WHAMM: variants seen among roughly 807,000 people sequenced by gnomAD.
WHAMM encodes WASP homolog associated with actin, golgi membranes and microtubules.
A neutral mutation model predicts 76.5 loss-of-function variants in WHAMM; 67 were observed. The observed-to-expected ratio is 0.88, with a 90% CI of 0.72 to 1.07. The LOEUF (loss-of-function observed/expected upper bound fraction) is 1.07. Ranked by LOEUF, WHAMM falls within the 50% of genes least tolerant of loss-of-function variation. WHAMM has a pLI of 0.00. For missense variants in WHAMM, 1,021 were observed against 1,051.1 expected (o/e 0.97, Z 0.40); for synonymous variants, 419 against 422.1 (o/e 0.99, Z 0.09).
In WHAMM at chr15:82,809,957, C is replaced by A; in HGVS notation, c.231C>A (p.Ser77Arg). The change falls in exon 1 of 10, where the codon AGC becomes AGA. Residue 77 changes from serine to arginine, a missense_variant. Physicochemically the swap from Ser to Arg is moderately radical, Grantham distance 110. Around this residue, in one of 3 missense-constraint regions of WHAMM, gnomAD observed 501 missense variants for 524.9 expected, o/e 0.95. Transcript: ENST00000286760. The part of the protein sequence containing the change: ...PKPEAAVSPS[S>R]WAGLLSAAGL... ...CTGAGGCCGCCGTCTCCCCGTCCAG[C>A]TGGGCCGGCCTGCTCTCGGCCGCGG... The A allele has an allele frequency of 7.3e-7, 1 of 1,362,166 alleles. No homozygotes were observed. The allele number at this position is 1,362,166 out of a possible 1,614,324, so 84.4% of individuals were successfully genotyped here.
chr15:82,816,875 A>C, intron 3 of WHAMM, 33 bp downstream of exon 3: 1 of 1,533,510 alleles, frequency 6.5e-7, no homozygotes. Flanking sequence ...ATGAAGATAC[A>C]TGTAATTGAT....
intron 2 of WHAMM, among the ~76,000 whole-genome samples, chr15:82,816,146 A>C (rs1156437308): frequency 6.6e-6 from 1 of 152,142 alleles, no homozygotes; most frequent in African/African-American, 2.4e-5. Context: ...TCATGACCTA[A>C]TTACCCCCCA....
chr15:82,811,519 G>T (rs1388418208), intron 1 of WHAMM, among the ~76,000 whole-genome samples: 1 of 152,030 alleles, frequency 6.6e-6, no homozygotes, highest in Non-Finnish European at 1.5e-5. Context: ...TTCACTCTGG[G>T]GTACTATAGC....
At chr15:82,829,189 G>A (rs188046167) in intron 8 of WHAMM, among the ~76,000 whole-genome samples, 6 of 152,296 alleles carry the variant, frequency 3.9e-5, no homozygotes, top group African/African-American at 9.6e-5. Flanking sequence ...GGCAGAACTC[G>A]GCCAGGCGCC....
At chr15:82,827,279 G>GT (rs759624574) in intron 8 of WHAMM, among the ~76,000 whole-genome samples, 45 of 150,994 alleles carry the variant, frequency 3.0e-4, no homozygotes, top group African/African-American at 5.8e-4. Context: ...AATTTAGTGG[G>GT]TTTTTTTTTG....
chr15:82,817,888 T>C, intron 3 of WHAMM, 32 bp from the exon 4 acceptor site: 2 of 1,473,342 alleles, frequency 1.4e-6, no homozygotes, highest in Non-Finnish European at 1.8e-6. Flanking sequence ...TTTAATGAGG[T>C]GTAATTATAT....
Position 82,810,355 on chromosome 15 carries a change from C to G in WHAMM, c.609+20C>G, listed in dbSNP as rs753318483. On this transcript the variant is annotated intron_variant, in intron 1 of 9. Coordinates refer to ENST00000286760, the MANE Select transcript of WHAMM (RefSeq NM_001080435.3). ...CGCCAGGTAAGCGAGGCCCGGTCGC[C>G]GGCGTTCGTCCGCGCTTCCATGGCC... 7.7e-7 allele frequency: 1 copy of G among 1,301,320 alleles called. No individual in the cohort carries two copies. Among genetic ancestry groups the G allele is most frequent in the African/African-American group, 1.6e-5 (1 of 64,418 alleles). The allele number at this position is 1,301,320 out of a possible 1,614,324, so 80.6% of individuals were successfully genotyped here. A position where few individuals can be genotyped will look rare whatever the true frequency, so the allele number is the denominator to read the frequency against.
intron 5 of WHAMM, among the ~76,000 whole-genome samples, chr15:82,821,060 C>A (rs1189271784): frequency 1.3e-5 from 2 of 152,074 alleles, no homozygotes; most frequent in African/African-American, 4.8e-5. Context: ...GAATATTGAA[C>A]AAAATTTTGT....
At position 82,809,808 on chromosome 15, in the gene WHAMM, C is replaced by A. The variant is rs1305372770; in HGVS notation, c.82C>A (p.Leu28Met). The change falls in exon 1 of 10, where the codon CTG becomes ATG. Residue 28 changes from leucine (L) to methionine (M), a missense_variant. Around this residue, in one of 3 missense-constraint regions of WHAMM, gnomAD observed 501 missense variants for 524.9 expected, o/e 0.95. Transcript: ENST00000286760. ...GLFAEPERHR[L>M]RFLVAWNGAE... Reference sequence around the variant, plus strand: ...CTTCGCCGAGCCCGAGAGGCACCGGCTGCGCTTCCTGGTGGCCTGGAACGG... The same window carrying A: ...CTTCGCCGAGCCCGAGAGGCACCGGATGCGCTTCCTGGTGGCCTGGAACGG... The A allele has an allele frequency of 1.2e-6, 2 of 1,602,672 alleles. No individual in the cohort carries two copies. The highest frequency in any genetic ancestry group is 1.7e-6 in the Non-Finnish European group (2 of 1,175,386).
intron 1 of WHAMM, 86 bp downstream of exon 1, chr15:82,810,421 G>A: frequency 1.6e-6 from 2 of 1,222,326 alleles, no homozygotes; most frequent in Non-Finnish European, 2.0e-6. Context: ...GAGAGCCCTG[G>A]CTGACGGCTG....
At chr15:82,822,107 C>T (rs1596283105) in intron 5 of WHAMM, among the ~76,000 whole-genome samples, 1 of 152,162 alleles carries the variant, frequency 6.6e-6, no homozygotes. Flanking sequence ...GACAATTTCA[C>T]TGTTTTATGT....
chr15:82,811,983 G>T (rs1482033179), intron 1 of WHAMM, among the ~76,000 whole-genome samples: 3 of 152,114 alleles, frequency 2.0e-5, no homozygotes, highest in Non-Finnish European at 4.4e-5. Flanking sequence ...TATATTATTT[G>T]ATTTTATTTC....
chr15:82,818,744 G>T (rs148594020), intron 4 of WHAMM, among the ~76,000 whole-genome samples: 107 of 152,326 alleles, frequency 7.0e-4, no homozygotes, highest in African/African-American at 2.3e-3. Context: ...ATCACAGATT[G>T]GGTGGCTTAA....
intron 2 of WHAMM, among the ~76,000 whole-genome samples, chr15:82,816,195 G>A (rs1323586869): frequency 6.6e-6 from 1 of 152,104 alleles, no homozygotes; most frequent in African/African-American, 2.4e-5. Context: ...TGGGGATTTA[G>A]GCTTCAACAT....
In WHAMM at chr15:82,826,509, C is replaced by G. The variant is rs369420097; in HGVS notation, c.1545+13C>G. 18 of 1,610,536 alleles carry G rather than the reference C, an allele frequency of 1.1e-5. No homozygotes were observed. The highest frequency in any genetic ancestry group is 5.5e-5 in the South Asian group (5 of 90,984). ...CAGTATTCAGATGGTGAGTCTCCTC[C>G]GAAGGAAAATGTTCTATGTTTGTGT... is the stretch of plus-strand genomic sequence containing the variant. On this transcript the variant is annotated intron_variant, in intron 7 of 9. Coordinates refer to ENST00000286760, the MANE Select transcript of WHAMM (RefSeq NM_001080435.3).
At chr15:82,819,557 A>G (rs2050785082) in intron 5 of WHAMM, 69 bp downstream of exon 5, 20 of 838,374 alleles carry the variant, frequency 2.4e-5, no homozygotes, top group Non-Finnish European at 3.2e-5. Flanking sequence ...CATATTATCA[A>G]TTACTTTTTG....
chr15:82,812,997 G>C (rs1276348796), intron 1 of WHAMM, 106 bp from the exon 2 acceptor site: 1 of 786,858 alleles, frequency 1.3e-6, no homozygotes, highest in Admixed American at 3.8e-5. Flanking sequence ...TAAAATTGAT[G>C]TATTAAAAGT....
Position 82,813,127 on chromosome 15 carries a change from A to G in WHAMM, c.634A>G (p.Asn212Asp). 4.4e-6 allele frequency: 7 copies of G among 1,605,844 alleles called. No homozygotes were observed. Among genetic ancestry groups the G allele is most frequent in the Non-Finnish European group, 5.9e-6 (7 of 1,177,820 alleles). Reference sequence around the variant, plus strand: ...GGTTATTCAAGGACACGGAAAAGCCAACACCATGGTAGCATTAATGAACGT... The same window carrying G: ...GGTTATTCAAGGACACGGAAAAGCCGACACCATGGTAGCATTAATGAACGT... ...RQVIQGHGKA[N>D]TMVALMNVYQ... is the part of the protein sequence containing the mutation. Residue 212 changes from asparagine (N) to aspartate (D), a missense_variant, in exon 2 of 10, where the codon AAC (asparagine) becomes GAC (aspartate). Around this residue, in one of 3 missense-constraint regions of WHAMM, gnomAD observed 501 missense variants for 524.9 expected, o/e 0.95. Transcript: ENST00000286760.
intron 9 of WHAMM, 59 bp from the exon 10 acceptor site, chr15:82,833,170 A>G: frequency 6.5e-7 from 1 of 1,526,734 alleles, no homozygotes; most frequent in Middle Eastern, 1.7e-4. Flanking sequence ...CATAGCAGTA[A>G]TGTCCTGGGA....
Sources: gnomAD v4.1 joint callset for allele counts (sites outside exome capture counted in the v4.1 genomes callset) on GRCh38, gnomAD v4.1.1 for gene constraint, gnomAD v4.1.1 regional missense constraint, MANE v1.5 for transcripts, NCBI Gene and HGNC (gene_info 2026-07-23, HGNC 2026-07-21) for gene names.